DGKG: variants seen among roughly 807,000 people sequenced by gnomAD.
DGKG encodes the protein DAG kinase gamma.
In DGKG, 78 loss-of-function variants were observed where a neutral mutation model predicts 105.3. The observed-to-expected ratio is 0.74, with a 90% CI of 0.62 to 0.89. DGKG has a LOEUF of 0.89. Among genes scored for constraint, DGKG ranks in the 40% least tolerant of loss-of-function variants. The pLI, the probability that DGKG is intolerant of heterozygous loss-of-function variation, is 0.00. For missense variants in DGKG, 958 were observed against 1,020.1 expected (o/e 0.94, Z 0.83); for synonymous variants, 346 against 367.1 (o/e 0.94, Z 0.66).
At chr3:186,253,906 A>G (rs891885788) in intron 17 of DGKG, among the ~76,000 whole-genome samples, 6 of 152,210 alleles carry the variant, frequency 3.9e-5, no homozygotes, top group African/African-American at 1.4e-4. Flanking sequence ...AAAAACTAAC[A>G]TTAGCTAAAT....
Position 186,147,498 on chromosome 3 carries a change from G to A in DGKG, c.*2592C>T, listed in dbSNP as rs772330141. The stretch of plus-strand genomic sequence containing the variant: ...GTTTAAAGGATGATTTGCAAGGCAC[G>A]ATTAAACAACAACACAAGATTTACT... On this transcript the variant is annotated 3_prime_UTR_variant, in exon 25 of 25. Transcript: ENST00000265022. 13 of 985,322 alleles carry A rather than the reference G, an allele frequency of 1.3e-5. No individual in the cohort carries two copies. The highest frequency in any genetic ancestry group is 1.1e-4 in the East Asian group (1 of 8,820). 61.0% of individuals were successfully genotyped at this position (985,322 alleles called of 1,614,324 possible). A position where few individuals can be genotyped will look rare whatever the true frequency, so the allele number is the denominator to read the frequency against.
chr3:186,338,721 T>C (rs1725947870), intron 1 of DGKG, among the ~76,000 whole-genome samples: 1 of 152,204 alleles, frequency 6.6e-6, no homozygotes, highest in South Asian at 2.1e-4. Flanking sequence ...AGGAAAGTCC[T>C]TATTTCTACT....
intron 18 of DGKG, among the ~76,000 whole-genome samples, chr3:186,252,839 G>A (rs915053138): frequency 6.6e-6 from 1 of 152,164 alleles, no homozygotes; most frequent in African/African-American, 2.4e-5. Flanking sequence ...GCTCTAAGTT[G>A]ATGGTTTCAG....
chr3:186,287,777 T>C (rs1041816190), intron 6 of DGKG, among the ~76,000 whole-genome samples: 1 of 152,136 alleles, frequency 6.6e-6, no homozygotes, highest in Non-Finnish European at 1.5e-5. Context: ...GAGCAAACTG[T>C]TTCATTTTGT....
intron 5 of DGKG, among the ~76,000 whole-genome samples, chr3:186,289,729 G>A (rs1723231176): frequency 6.6e-6 from 1 of 152,196 alleles, no homozygotes; most frequent in Admixed American, 6.5e-5. Flanking sequence ...AGGGAAGATG[G>A]ACAGTGGAAA....
intron 24 of DGKG, among the ~76,000 whole-genome samples, chr3:186,157,766 T>A (rs1007269380): frequency 5.3e-5 from 8 of 152,172 alleles, no homozygotes; most frequent in African/African-American, 1.9e-4. Context: ...TGCAGTAGTG[T>A]GATCTTGGCT....
intron 5 of DGKG, among the ~76,000 whole-genome samples, chr3:186,294,976 G>A (rs533705023): frequency 1.4e-4 from 22 of 152,206 alleles, no homozygotes; most frequent in Middle Eastern, 6.8e-3. Flanking sequence ...TATGATCCAG[G>A]GGTAACTGTT....
At chr3:186,219,800 T>C (rs191285434) in intron 20 of DGKG, among the ~76,000 whole-genome samples, 2 of 152,190 alleles carry the variant, frequency 1.3e-5, no homozygotes, top group Admixed American at 1.3e-4. Flanking sequence ...TTTTATTGTA[T>C]AACTATGGAA....
intron 24 of DGKG, among the ~76,000 whole-genome samples, chr3:186,154,033 G>A (rs905350449): frequency 6.6e-6 from 1 of 152,188 alleles, no homozygotes; most frequent in Non-Finnish European, 1.5e-5. Flanking sequence ...GGAGGTCGAG[G>A]CGGCAGTGAG....
At chr3:186,238,718 C>T (rs1046910429) in intron 20 of DGKG, among the ~76,000 whole-genome samples, 1 of 152,184 alleles carries the variant, frequency 6.6e-6, no homozygotes, top group Non-Finnish European at 1.5e-5. Context: ...CCCATCTCTG[C>T]CGTTAAAGGC....
At chr3:186,275,512 G>T in intron 10 of DGKG, 35 bp downstream of exon 10, 4 of 1,555,434 alleles carry the variant, frequency 2.6e-6, no homozygotes, top group Non-Finnish European at 3.6e-6. Context: ...GCAAGATAGT[G>T]CCTGGGGGAA....
chr3:186,333,178 C>G (rs138637136), intron 1 of DGKG, among the ~76,000 whole-genome samples: 3 of 152,232 alleles, frequency 2.0e-5, no homozygotes, highest in Admixed American at 1.3e-4. Context: ...GCTTTGAAAG[C>G]GTGGTCCTCA....
At chr3:186,178,193 C>G (rs1717183068) in intron 22 of DGKG, among the ~76,000 whole-genome samples, 2 of 152,178 alleles carry the variant, frequency 1.3e-5, no homozygotes, top group South Asian at 2.1e-4. Context: ...GCCACACAGT[C>G]CATGGTATTC....
chr3:186,216,895 C>A (rs1719318732), intron 20 of DGKG, among the ~76,000 whole-genome samples: 1 of 152,158 alleles, frequency 6.6e-6, no homozygotes, highest in Non-Finnish European at 1.5e-5. Flanking sequence ...AGCTGAGAGG[C>A]TAGGGTTCAT....
intron 20 of DGKG, among the ~76,000 whole-genome samples, chr3:186,224,147 C>T (rs1390230495): frequency 1.3e-5 from 2 of 152,198 alleles, no homozygotes. Flanking sequence ...TTTTAAAGCT[C>T]TTCTGTTTGG....
chr3:186,254,234 T>C (rs1017198444), intron 17 of DGKG, among the ~76,000 whole-genome samples: 10 of 152,092 alleles, frequency 6.6e-5, no homozygotes, highest in Non-Finnish European at 1.3e-4. Context: ...TGAGGAGAGA[T>C]GCAGGAATCA....
At chr3:186,253,580 T>A (rs1721323720) in intron 17 of DGKG, among the ~76,000 whole-genome samples, 1 of 152,194 alleles carries the variant, frequency 6.6e-6, no homozygotes, top group Admixed American at 6.5e-5. Context: ...TTATCCTCCT[T>A]CAAGTAGCTG....
chr3:186,354,905 A>G (rs1464080083), intron 1 of DGKG, among the ~76,000 whole-genome samples: 1 of 152,108 alleles, frequency 6.6e-6, no homozygotes, highest in Non-Finnish European at 1.5e-5. Flanking sequence ...CTTATTTCTC[A>G]GGATGAAGGC....
intron 20 of DGKG, among the ~76,000 whole-genome samples, chr3:186,230,570 A>AG (rs1720103988): frequency 6.6e-6 from 1 of 152,072 alleles, no homozygotes; most frequent in South Asian, 2.1e-4. Context: ...GTAACGTGGG[A>AG]GGGGGGTGGT....
Sources: allele counts gnomAD v4.1 joint callset (sites outside exome capture counted in the v4.1 genomes callset), GRCh38; gene constraint gnomAD v4.1.1; transcripts MANE v1.5; gene names NCBI Gene and HGNC (gene_info 2026-07-23, HGNC 2026-07-21).